DCAF8L2: variants seen among roughly 807,000 people sequenced by gnomAD.
DCAF8L2 encodes DDB1- and CUL4-associated factor 8-like protein 2.
For missense variants in DCAF8L2, 430 were observed against 490.7 expected (o/e 0.88, Z 1.17); for synonymous variants, 200 against 190.9 (o/e 1.05, Z -0.39).
chrX:27,565,863 C>T, the DCAF8L2 span, among the ~76,000 whole-genome samples: 7 of 110,269 alleles, frequency 6.3e-5, no homozygotes, highest in East Asian at 1.7e-3. Flanking sequence ...TTGGTGGGGC[C>T]GGGGGATCTC....
At chrX:27,744,620 A>G (rs1002177416) in intron 4 of DCAF8L2, among the ~76,000 whole-genome samples, 3 of 111,746 alleles carry the variant, frequency 2.7e-5, no homozygotes, top group African/African-American at 9.8e-5. Flanking sequence ...CACAATTAAA[A>G]GCTATCAAAA....
At chrX:27,556,659 G>C in the DCAF8L2 span, among the ~76,000 whole-genome samples, 1 of 111,955 alleles carries the variant, frequency 8.9e-6, no homozygotes, top group Non-Finnish European at 1.9e-5. Context: ...ATAAGAACAT[G>C]ATAAAGAGTC....
the DCAF8L2 span, among the ~76,000 whole-genome samples, chrX:27,565,383 T>A: frequency 9.0e-6 from 1 of 111,581 alleles, no homozygotes; most frequent in East Asian, 2.8e-4. Context: ...TATTGACCCA[T>A]CCTACATGTC....
the DCAF8L2 span, among the ~76,000 whole-genome samples, chrX:27,497,043 T>C: frequency 4.6e-5 from 5 of 109,807 alleles, 1 homozygote; most frequent in Non-Finnish European, 9.5e-5. Flanking sequence ...TCCATGGGAG[T>C]GAGATAAGGT....
the DCAF8L2 span, among the ~76,000 whole-genome samples, chrX:27,486,164 C>T: frequency 9.3e-6 from 1 of 108,085 alleles, no homozygotes; most frequent in African/African-American, 3.4e-5. Flanking sequence ...AGCCACCATG[C>T]CCGGCTAATT....
At chrX:27,731,919 T>C (rs1193632559) in intron 4 of DCAF8L2, among the ~76,000 whole-genome samples, 1 of 111,739 alleles carries the variant, frequency 8.9e-6, no homozygotes, top group African/African-American at 3.3e-5. Context: ...GACAGAAACA[T>C]AGAAATGTTA....
the DCAF8L2 span, among the ~76,000 whole-genome samples, chrX:27,523,548 A>C: frequency 5.4e-5 from 6 of 110,281 alleles, no homozygotes; most frequent in African/African-American, 1.6e-4. Flanking sequence ...TCTAGAGTCT[A>C]CAATAATTAA....
the DCAF8L2 span, among the ~76,000 whole-genome samples, chrX:27,545,464 A>C: frequency 3.6e-5 from 4 of 112,322 alleles, no homozygotes; most frequent in African/African-American, 1.3e-4. Flanking sequence ...ATGCTATGAC[A>C]GAAATGTTTT....
At chrX:27,521,362 T>C in the DCAF8L2 span, among the ~76,000 whole-genome samples, 3 of 112,563 alleles carry the variant, frequency 2.7e-5, no homozygotes, top group Non-Finnish European at 5.6e-5. Flanking sequence ...TTCAATCCTG[T>C]GCTTTGCCAT....
Position 27,748,849 on chromosome X carries a change from G to A in DCAF8L2, c.*58G>A. ...TAAGTACACTGGACTTTAAAATTCA[G>A]TTTGACTAATTTAGAATTGTCAATA... On this transcript the variant is annotated 3_prime_UTR_variant, in exon 5 of 5. Coordinates refer to ENST00000451261, the MANE Select transcript of DCAF8L2 (RefSeq NM_001353450.2). The A allele has an allele frequency of 9.0e-7, 1 of 1,111,982 alleles. No homozygotes were observed. Among genetic ancestry groups the A allele is most frequent in the Non-Finnish European group, 1.2e-6 (1 of 842,234 alleles). 91.6% of individuals were successfully genotyped at this position (1,111,982 alleles called of 1,213,427 possible).
At chrX:27,623,086 C>G in intron 1 of DCAF8L2, among the ~76,000 whole-genome samples, 1 of 111,959 alleles carries the variant, frequency 8.9e-6, no homozygotes. Flanking sequence ...ACTTCAATGA[C>G]TGGTGGCTGT....
chrX:27,569,706 A>T, the DCAF8L2 span, among the ~76,000 whole-genome samples: 1 of 111,985 alleles, frequency 8.9e-6, no homozygotes. Flanking sequence ...AAAATTAAAG[A>T]TACCTGACTT....
At chrX:27,488,755 C>T in the DCAF8L2 span, among the ~76,000 whole-genome samples, 1 of 110,752 alleles carries the variant, frequency 9.0e-6, no homozygotes, top group Admixed American at 9.7e-5. Flanking sequence ...CTCCCAGGTT[C>T]GAGCTATCCT....
the DCAF8L2 span, among the ~76,000 whole-genome samples, chrX:27,476,195 C>CT: frequency 9.1e-6 from 1 of 109,697 alleles, no homozygotes; most frequent in Non-Finnish European, 1.9e-5. Context: ...ACCGAGACTA[C>CT]TTGAAAAAAT....
At chrX:27,737,389 A>G (rs751952045) in intron 4 of DCAF8L2, among the ~76,000 whole-genome samples, 5 of 111,469 alleles carry the variant, frequency 4.5e-5, no homozygotes, top group African/African-American at 9.8e-5. Context: ...CCATGTGTCA[A>G]CCTCCACCTG....
At chrX:27,565,994 G>A in the DCAF8L2 span, among the ~76,000 whole-genome samples, 159 of 110,791 alleles carry the variant, frequency 1.4e-3, no homozygotes, top group African/African-American at 4.8e-3. Flanking sequence ...ATGAGTTACT[G>A]TTCTAAGTAA....
chrX:27,674,184 G>C (rs1930062375), intron 2 of DCAF8L2, among the ~76,000 whole-genome samples: 1 of 111,413 alleles, frequency 9.0e-6, no homozygotes, highest in African/African-American at 3.3e-5. Context: ...TTATGCCTCA[G>C]TTTAACAGTT....
chrX:27,728,207 TC>T (rs1350210977), intron 4 of DCAF8L2, among the ~76,000 whole-genome samples: 6 of 111,488 alleles, frequency 5.4e-5, no homozygotes, highest in African/African-American at 2.0e-4. Context: ...TAAAAACTCC[TC>T]CCTTTTACCC....
the DCAF8L2 span, among the ~76,000 whole-genome samples, chrX:27,566,612 T>G: frequency 9.0e-6 from 1 of 111,441 alleles, no homozygotes; most frequent in Non-Finnish European, 1.9e-5. Context: ...ATTTTAATTA[T>G]TTGAACCTTA....
Sources: allele counts gnomAD v4.1 joint callset (sites outside exome capture counted in the v4.1 genomes callset), GRCh38; gene constraint gnomAD v4.1.1; transcripts MANE v1.5; gene names NCBI Gene and HGNC (gene_info 2026-07-23, HGNC 2026-07-21).